The following TRAF3IP1 variants were observed in gnomAD, a reference collection of about 807,000 sequenced individuals.
TRAF3IP1 encodes the protein intraflagellar transport 54, also known as TRAF3-interacting protein 1.
TRAF3IP1 carries 53 observed loss-of-function variants against 89.9 expected under a neutral mutation model. The observed-to-expected ratio is 0.59, with a 90% CI of 0.47 to 0.74. TRAF3IP1 has a LOEUF of 0.74. Ranked by LOEUF, TRAF3IP1 falls within the 30% of genes least tolerant of loss-of-function variation. TRAF3IP1 has a pLI of 0.00. For synonymous variants in TRAF3IP1, 311 were observed against 322.1 expected (o/e 0.97, Z 0.37); for missense variants, 806 against 866.1 (o/e 0.93, Z 0.87).
In TRAF3IP1 at chr2:238,320,712, T is replaced by C; in HGVS notation, c.50T>C (p.Ile17Thr). 1.4e-6 allele frequency: 2 copies of C among 1,445,882 alleles called. No individual in the cohort carries two copies. Among genetic ancestry groups the C allele is most frequent in the Non-Finnish European group, 1.8e-6 (2 of 1,087,948 alleles). The allele number at this position is 1,445,882 out of a possible 1,614,324, so 89.6% of individuals were successfully genotyped here. ...ACGCAGGAGGCGCTGGGGAAAGTGA[T>C]TCGGAGGCCGCCGCTGACCGAGAAG... ...RRTQEALGKVIRRPPLTEKLL... is the reference protein window; with the variant it reads ...RRTQEALGKVTRRPPLTEKLL... The change falls in exon 1 of 17, where the codon ATT (isoleucine) becomes ACT (threonine). Residue 17 changes from isoleucine (I) to threonine (T), a missense_variant. Transcript: ENST00000373327.
Position 238,351,930 on chromosome 2 carries a change from T to TGCATGTGCAC in TRAF3IP1, c.1452-891_1452-882dup, listed in dbSNP as rs1218654752. ...GCGTGTGTGTGTGTGTGTGTGTGTA[T>TGCATGTGCAC]GCATGTGCACGCATGCAGCACTGCG... On this transcript the variant is annotated intron_variant, in intron 12 of 16. Transcript: ENST00000373327. The surrounding 1 kb of genome is among the most constrained non-coding windows in gnomAD (Gnocchi z 5.2). Among the ~76,000 whole-genome samples, 3 of 151,624 alleles carry TGCATGTGCAC rather than the reference T, an allele frequency of 2.0e-5. No homozygotes were observed. The highest frequency in any genetic ancestry group is 4.8e-5 in the African/African-American group (2 of 41,244).
rs1473315385 is a variant in TRAF3IP1, at chr2:238,345,835, G to A, written c.1261+1237G>A. Among the ~76,000 whole-genome samples the A allele has an allele frequency of 6.6e-6, 1 of 152,146 alleles. No individual in the cohort carries two copies. Among genetic ancestry groups the A allele is most frequent in the Non-Finnish European group, 1.5e-5 (1 of 68,026 alleles). On this transcript the variant is annotated intron_variant, in intron 9 of 16. Coordinates refer to ENST00000373327, the MANE Select transcript of TRAF3IP1 (RefSeq NM_015650.4). The surrounding 1 kb of genome is among the most constrained non-coding windows in gnomAD (Gnocchi z 4.7). ...CACCTAGGACGAGATTGTGAGTGCAGGAGCTGGCAGAGCACTGGCGCTGTG... is the reference window on the plus strand; with the variant it reads ...CACCTAGGACGAGATTGTGAGTGCAAGAGCTGGCAGAGCACTGGCGCTGTG...
chr2:238,372,114 GT>G lies in TRAF3IP1; in HGVS notation c.1689+16041del, dbSNP rs999447820. ...ACATTAAAGTAACATTCATTTAAAA[GT>G]TTTTTTCTCCACTTTCTTTTTCATT... is the stretch of plus-strand genomic sequence containing the variant. On this transcript the variant is annotated intron_variant, in intron 15 of 16. Coordinates refer to ENST00000373327, the MANE Select transcript of TRAF3IP1 (RefSeq NM_015650.4). Among the ~76,000 whole-genome samples the G allele has an allele frequency of 3.9e-5, 6 of 152,140 alleles. No homozygotes were observed. In the East Asian group the frequency reaches 7.7e-4, roughly 20 times the overall value.
In TRAF3IP1 at chr2:238,325,831, T is replaced by A; in HGVS notation, c.215T>A (p.Phe72Tyr). 1 of 1,611,650 alleles carries A rather than the reference T, an allele frequency of 6.2e-7. No homozygotes were observed. The highest frequency in any genetic ancestry group is 8.5e-7 in the Non-Finnish European group (1 of 1,179,380). The change falls in exon 3 of 17, where the codon TTC becomes TAC. Residue 72 changes from phenylalanine to tyrosine, a missense_variant. By Grantham distance (22) the Phe-to-Tyr change is conservative. Coordinates refer to ENST00000373327, the MANE Select transcript of TRAF3IP1 (RefSeq NM_015650.4). ...NVKDKDAKIS[F>Y]LQKAIDVVVM... is the part of the protein sequence containing the mutation. ...CAGGATAAAGATGCAAAAATTAGCT[T>A]CCTACAAAAGGCCATAGACGTGGTT...
rs369848312 is a variant in TRAF3IP1 at position 238,325,987 on chromosome 2, G to C, written c.354+17G>C. The stretch of plus-strand genomic sequence containing the variant: ...CTCAACAAGGTACTACTGCTGTCCT[G>C]GCATTTTGAACTTACTTAGTACTTG... On this transcript the variant is annotated intron_variant, in intron 3 of 16. Transcript: ENST00000373327. 8.2e-5 allele frequency: 132 copies of C among 1,601,820 alleles called. No individual in the cohort carries two copies. Among genetic ancestry groups the C allele is most frequent in the Middle Eastern group, 6.7e-4 (4 of 5,992 alleles).
rs1214978614 is a variant in TRAF3IP1, at chr2:238,328,957, G to A, written c.530G>A (p.Ser177Asn). ...DRGDAEIKER[S>N]TSRDRKQKEE... is the part of the protein sequence containing the mutation. ...GGAGACGCTGAAATAAAAGAGAGAAGTACAAGCAGAGATCGAAAACAGAAG... is the reference window on the plus strand; with the variant it reads ...GGAGACGCTGAAATAAAAGAGAGAAATACAAGCAGAGATCGAAAACAGAAG... The change falls in exon 5 of 17, where the codon AGT becomes AAT. Residue 177 changes from serine (S) to asparagine (N), a missense_variant. By Grantham distance (46) the Ser-to-Asn change is conservative. Transcript: ENST00000373327. 1 of 1,557,660 alleles carries A rather than the reference G, an allele frequency of 6.4e-7. No individual in the cohort carries two copies. The highest frequency in any genetic ancestry group is 1.4e-5 in the African/African-American group (1 of 72,358).
At chr2:238,354,159 G>A (rs1009004608) in intron 14 of TRAF3IP1, among the ~76,000 whole-genome samples, 1 of 152,152 alleles carries the variant, frequency 6.6e-6, no homozygotes, top group Non-Finnish European at 1.5e-5. Context: ...CCCAGTATTT[G>A]ACCAGGGGAG....
rs1418999427 is a variant in TRAF3IP1, at chr2:238,351,999, G to A, written c.1452-828G>A. The stretch of plus-strand genomic sequence containing the variant: ...TTAGGTGATTGCTTAAAGCACAAGT[G>A]TGTAGGGAAGAAACAAAGGCAGGAG... On this transcript the variant is annotated intron_variant, in intron 12 of 16. Transcript: ENST00000373327. This position sits in a 1 kb window ranked among gnomAD's most constrained non-coding sequence, Gnocchi z 5.2. Among the ~76,000 whole-genome samples, 2 of 152,118 alleles carry A rather than the reference G, an allele frequency of 1.3e-5. No homozygotes were observed. Among genetic ancestry groups the A allele is most frequent in the Non-Finnish European group, 2.9e-5 (2 of 68,018 alleles).
rs564288942 is a variant in TRAF3IP1, at chr2:238,365,260, A to G, written c.1689+9180A>G. Among the ~76,000 whole-genome samples the G allele has an allele frequency of 2.0e-5, 3 of 152,296 alleles. No homozygotes were observed. The East Asian group carries it at 5.8e-4, about 29-fold the overall frequency. On this transcript the variant is annotated intron_variant, in intron 15 of 16. Transcript: ENST00000373327. ...GCTATTCAGAATCTCTCCTTACCTG[A>G]AAATTCTACACCTGACAACAGTATT...
intron 15 of TRAF3IP1, among the ~76,000 whole-genome samples, chr2:238,359,035 A>G (rs1023547863): frequency 6.6e-6 from 1 of 152,224 alleles, no homozygotes; most frequent in Admixed American, 6.5e-5. Context: ...GCATTAGACC[A>G]TGTAAATGAG....
At chr2:238,327,085 C>T (rs377739459) in intron 3 of TRAF3IP1, among the ~76,000 whole-genome samples, 58 of 152,372 alleles carry the variant, frequency 3.8e-4, no homozygotes, top group African/African-American at 1.4e-3. Flanking sequence ...GCTGCTACTT[C>T]TCTCCCTTCA....
At chr2:238,330,317 G>A (rs1264750425) in intron 5 of TRAF3IP1, among the ~76,000 whole-genome samples, 1 of 152,208 alleles carries the variant, frequency 6.6e-6, no homozygotes, top group Admixed American at 6.5e-5. Context: ...GGTTTGCCAG[G>A]AAGTCCTGTT....
intron 15 of TRAF3IP1, among the ~76,000 whole-genome samples, chr2:238,387,118 A>G (rs1228564269): frequency 6.6e-6 from 1 of 152,244 alleles, no homozygotes; most frequent in East Asian, 1.9e-4. Context: ...AATGAGGCAC[A>G]AAAGTTACCT....
chr2:238,323,003 C>T (rs937214201), intron 1 of TRAF3IP1, among the ~76,000 whole-genome samples: 1 of 152,124 alleles, frequency 6.6e-6, no homozygotes, highest in Admixed American at 6.6e-5. Context: ...TATAGCTACA[C>T]TAACCACCCC....
At chr2:238,335,844 G>C (rs908634270) in intron 7 of TRAF3IP1, among the ~76,000 whole-genome samples, 1 of 151,512 alleles carries the variant, frequency 6.6e-6, no homozygotes, top group African/African-American at 2.4e-5. Context: ...TCTGTTGCCA[G>C]ACTGGAGTGC....
At position 238,379,851 on chromosome 2, in the gene TRAF3IP1, A is replaced by C. The variant is rs1414156036; in HGVS notation, c.1690-17608A>C. Among the ~76,000 whole-genome samples the C allele has an allele frequency of 2.0e-5, 3 of 152,252 alleles. No individual in the cohort carries two copies. The highest frequency in any genetic ancestry group is 7.2e-5 in the African/African-American group (3 of 41,472). On this transcript the variant is annotated intron_variant, in intron 15 of 16. Coordinates refer to ENST00000373327, the MANE Select transcript of TRAF3IP1 (RefSeq NM_015650.4). This position sits in a 1 kb window ranked among gnomAD's most constrained non-coding sequence, Gnocchi z 4.0. ...CTCAATAGAAAATGATTAATATTTT[A>C]GTAAGACATTTAAAATAGCAAATCC...
rs772259614 is a variant in TRAF3IP1 at position 238,344,497 on chromosome 2, G to T, written c.1160G>T (p.Gly387Val). The change falls in exon 9 of 17, where the codon GGA becomes GTA. Residue 387 changes from glycine (G) to valine (V), a missense_variant and splice_region_variant. Transcript: ENST00000373327. ...CTAATTTTAAACTGTTTTATGTCAGGAACAAAAGAAGCTAATATTAACTCA... is the reference window on the plus strand; with the variant it reads ...CTAATTTTAAACTGTTTTATGTCAGTAACAAAAGAAGCTAATATTAACTCA... ...PNQETTTSEI[G>V]TKEANINSTS... is the part of the protein sequence containing the mutation. 1.2e-6 allele frequency: 2 copies of T among 1,613,374 alleles called. No homozygotes were observed. The highest frequency in any genetic ancestry group is 2.2e-5 in the East Asian group (1 of 44,880).
chr2:238,333,547 T>C (rs1409095509), intron 6 of TRAF3IP1, among the ~76,000 whole-genome samples: 4 of 152,178 alleles, frequency 2.6e-5, no homozygotes, highest in Admixed American at 2.6e-4. Flanking sequence ...GAGGGAGGAA[T>C]AGGATGTGCT....
At chr2:238,340,052 G>T (rs1698564383) in intron 8 of TRAF3IP1, among the ~76,000 whole-genome samples, 1 of 151,670 alleles carries the variant, frequency 6.6e-6, no homozygotes, top group African/African-American at 2.4e-5. Context: ...TGCGGTGGGT[G>T]GCGGGGCGGG....
Sources: gnomAD v4.1 joint callset for allele counts (sites outside exome capture counted in the v4.1 genomes callset) on GRCh38, gnomAD v4.1.1 for gene constraint, Gnocchi (gnomAD v3.1) non-coding constraint, MANE v1.5 for transcripts, NCBI Gene and HGNC (gene_info 2026-07-23, HGNC 2026-07-21) for gene names.